The following GRIA2 variants were observed in gnomAD, a reference collection of about 807,000 sequenced individuals.
The protein encoded by GRIA2 is glutamate receptor 2.
GRIA2 carries 14 observed loss-of-function variants against 97.3 expected under a neutral mutation model. The ratio of observed to expected loss-of-function variants is 0.14; its 90% CI spans 0.10 to 0.23. The LOEUF (loss-of-function observed/expected upper bound fraction) is 0.23. GRIA2 is among the 10% of genes least tolerant of loss of function. The pLI, the probability that GRIA2 is intolerant of heterozygous loss-of-function variation, is 1.00. For missense variants in GRIA2, 558 were observed against 1,069.8 expected (o/e 0.52, Z 6.67); for synonymous variants, 412 against 387.8 (o/e 1.06, Z -0.73).
Position 157,333,312 on chromosome 4 carries a change from A to G in GRIA2, c.1114A>G (p.Thr372Ala), listed in dbSNP as rs1334781170. The G allele has an allele frequency of 1.2e-6, 2 of 1,603,444 alleles. No individual in the cohort carries two copies. Among genetic ancestry groups the G allele is most frequent in the Admixed American group, 3.4e-5 (2 of 59,276 alleles). ...FDQNGKRINY[T>A]INIMELKTNG... is the part of the protein sequence containing the mutation. ...CCAGAATGGAAAAAGAATAAACTAT[A>G]CAATTAACATCATGGAGCTCAAAAC... Residue 372 changes from threonine (T) to alanine (A), a missense_variant, in exon 8 of 16, where the codon ACA (threonine) becomes GCA (alanine). Physicochemically the swap from Thr to Ala is moderately conservative, Grantham distance 58. Around this residue, in one of 8 missense-constraint regions of GRIA2, gnomAD observed 66 missense variants for 118.7 expected, o/e 0.56. Coordinates refer to ENST00000264426, the MANE Select transcript of GRIA2 (RefSeq NM_001083619.3).
intron 11 of GRIA2, among the ~76,000 whole-genome samples, chr4:157,337,916 C>T (rs1463360128): frequency 2.7e-5 from 4 of 148,664 alleles, no homozygotes; most frequent in Non-Finnish European, 5.9e-5. Context: ...TCAGTTCCAC[C>T]AGATTCCCTG....
At chr4:157,319,760 A>G (rs1734478810) in intron 5 of GRIA2, among the ~76,000 whole-genome samples, 1 of 152,156 alleles carries the variant, frequency 6.6e-6, no homozygotes, top group South Asian at 2.1e-4. Flanking sequence ...AAATCTGCAG[A>G]TAATATTATT....
chr4:157,264,885 T>G (rs1731699402), intron 2 of GRIA2, among the ~76,000 whole-genome samples: 1 of 151,986 alleles, frequency 6.6e-6, no homozygotes, highest in Non-Finnish European at 1.5e-5. Flanking sequence ...ACACACGCTC[T>G]CTCTCTCTCA....
intron 2 of GRIA2, among the ~76,000 whole-genome samples, chr4:157,275,742 A>G (rs1732273677): frequency 1.3e-5 from 2 of 152,094 alleles, no homozygotes; most frequent in South Asian, 4.1e-4. Context: ...CTCTTTTGGT[A>G]CCAGTACCAT....
At chr4:157,359,683 G>A (rs1424281465) in intron 12 of GRIA2, among the ~76,000 whole-genome samples, 5 of 151,982 alleles carry the variant, frequency 3.3e-5, no homozygotes, top group Admixed American at 6.6e-5. Context: ...ATAGTAAATC[G>A]ATGTTTCAGG....
chr4:157,275,334 T>G (rs1385480898), intron 2 of GRIA2, among the ~76,000 whole-genome samples: 1 of 152,212 alleles, frequency 6.6e-6, no homozygotes, highest in Admixed American at 6.5e-5. Flanking sequence ...TTCACCGTGA[T>G]GGTGGTTTCT....
intron 6 of GRIA2, among the ~76,000 whole-genome samples, chr4:157,327,056 T>C (rs1385650390): frequency 6.6e-6 from 1 of 152,186 alleles, no homozygotes; most frequent in Non-Finnish European, 1.5e-5. Flanking sequence ...TTTCTCTTAA[T>C]TTCTTCATAA....
Position 157,312,250 on chromosome 4 carries a change from G to A in GRIA2, c.470-429G>A, listed in dbSNP as rs754216228. 6.6e-5 allele frequency among the ~76,000 whole-genome samples: 10 copies of A among 151,932 alleles called. No individual in the cohort carries two copies. In the South Asian group the frequency reaches 8.3e-4, roughly 13 times the overall value. On this transcript the variant is annotated intron_variant, in intron 3 of 15. Coordinates refer to ENST00000264426, the MANE Select transcript of GRIA2 (RefSeq NM_001083619.3). ...TAGATTCCTCATTCAAAATGTACTC[G>A]TCTTCTTCAGGATACTAATATCAAA...
intron 2 of GRIA2, among the ~76,000 whole-genome samples, chr4:157,247,460 C>G (rs1360569123): frequency 6.6e-6 from 1 of 152,070 alleles, no homozygotes; most frequent in Non-Finnish European, 1.5e-5. Context: ...AGAAATGTAC[C>G]TAGCATGTAG....
Position 157,361,592 on chromosome 4 carries a change from G to A in GRIA2, c.2406+468G>A. On this transcript the variant is annotated intron_variant, in intron 14 of 15. Coordinates refer to ENST00000264426, the MANE Select transcript of GRIA2 (RefSeq NM_001083619.3). The surrounding 1 kb of genome is among the most constrained non-coding windows in gnomAD (Gnocchi z 5.2). The stretch of plus-strand genomic sequence containing the variant: ...TCAGTGAGCAAGGCGTCTTAGACAA[G>A]CTGAAAAACAAATGGTGGTACGATA... 1 of 1,612,624 alleles carries A rather than the reference G, an allele frequency of 6.2e-7. No homozygotes were observed. The highest frequency in any genetic ancestry group is 2.2e-5 in the East Asian group (1 of 44,776).
At chr4:157,276,344 A>G (rs1273568601) in intron 2 of GRIA2, among the ~76,000 whole-genome samples, 2 of 152,098 alleles carry the variant, frequency 1.3e-5, no homozygotes, top group Non-Finnish European at 2.9e-5. Flanking sequence ...TGAAAATGAA[A>G]ATGCAACTAA....
intron 2 of GRIA2, among the ~76,000 whole-genome samples, chr4:157,288,614 A>G (rs549696522): frequency 2.6e-5 from 4 of 151,796 alleles, no homozygotes. Flanking sequence ...TATCTTGTGT[A>G]TACTTTATAT....
intron 1 of GRIA2, 121 bp from the exon 2 acceptor site, chr4:157,221,542 GGTGT>G (rs1729493033): frequency 1.1e-6 from 1 of 947,954 alleles, no homozygotes; most frequent in African/African-American, 1.6e-5. Context: ...CGAGTCCGTA[GGTGT>G]GTTTATTCGG....
rs115189350 is a variant in GRIA2 at position 157,270,130 on chromosome 4, C to A, written c.230-33422C>A. On this transcript the variant is annotated intron_variant, in intron 2 of 15. Coordinates refer to ENST00000264426, the MANE Select transcript of GRIA2 (RefSeq NM_001083619.3). ...AATGATGCTCCTCAAATTTGTATAA[C>A]TTTTAATTTCATATGTGATATTCAG... 9.4e-3 allele frequency among the ~76,000 whole-genome samples: 1,429 copies of A among 152,166 alleles called. 18 individuals carry two copies. The highest frequency in any genetic ancestry group is 0.029 in the African/African-American group (1,186 of 41,542).
rs146914212 is a variant in GRIA2 at position 157,346,825 on chromosome 4, A to G, written c.2043+5363A>G. Among the ~76,000 whole-genome samples, 7 of 152,282 alleles carry G rather than the reference A, an allele frequency of 4.6e-5. No individual in the cohort carries two copies. In the East Asian group the frequency reaches 5.8e-4, roughly 13 times the overall value. The stretch of plus-strand genomic sequence containing the variant: ...ACAGCTGACAATTCTTGCATGCCCA[A>G]TCCTTCTCTAGATGATCCAGGAGAT... On this transcript the variant is annotated intron_variant, in intron 12 of 15. Coordinates refer to ENST00000264426, the MANE Select transcript of GRIA2 (RefSeq NM_001083619.3).
At chr4:157,270,765 G>T (rs1731984732) in intron 2 of GRIA2, among the ~76,000 whole-genome samples, 1 of 152,018 alleles carries the variant, frequency 6.6e-6, no homozygotes, top group Non-Finnish European at 1.5e-5. Context: ...TGGATGTCAG[G>T]AAGACGTTCA....
At chr4:157,334,832 C>G (rs1010140684) in intron 9 of GRIA2, 3 of 152,004 alleles carry the variant, frequency 2.0e-5, no homozygotes, top group African/African-American at 7.3e-5. Context: ...GATTTATTCT[C>G]CTAACAATAT....
At position 157,323,916 on chromosome 4, in the gene GRIA2, A is replaced by G. The variant is rs368870353; in HGVS notation, c.882+2317A>G. On this transcript the variant is annotated intron_variant, in intron 6 of 15. Coordinates refer to ENST00000264426, the MANE Select transcript of GRIA2 (RefSeq NM_001083619.3). ...GCTTCTGCCCATTTTCAGAGAGATCATTATGCTTCTTCACGGTGAGGTGTT... is the reference window on the plus strand; with the variant it reads ...GCTTCTGCCCATTTTCAGAGAGATCGTTATGCTTCTTCACGGTGAGGTGTT... Among the ~76,000 whole-genome samples the G allele has an allele frequency of 7.2e-5, 11 of 152,136 alleles. No individual in the cohort carries two copies. The East Asian group carries it at 1.7e-3, about 24-fold the overall frequency.
chr4:157,281,698 A>G (rs924854820), intron 2 of GRIA2, among the ~76,000 whole-genome samples: 8 of 151,930 alleles, frequency 5.3e-5, no homozygotes, highest in African/African-American at 1.9e-4. Context: ...GCAAAGCCTC[A>G]CATCTTCCCA....
Sources: allele counts gnomAD v4.1 joint callset (sites outside exome capture counted in the v4.1 genomes callset), GRCh38; gene constraint gnomAD v4.1.1; regional missense constraint gnomAD v4.1.1; non-coding constraint Gnocchi (gnomAD v3.1); transcripts MANE v1.5; gene names NCBI Gene and HGNC (gene_info 2026-07-23, HGNC 2026-07-21).